The following VGLL4 variants were observed in gnomAD, a reference collection of about 807,000 sequenced individuals.
VGLL4 encodes the protein vestigial like family member 4.
Under a neutral mutation model 21.0 loss-of-function variants are expected in VGLL4, and 7 were observed. The observed-to-expected ratio is 0.33, with a 90% CI of 0.19 to 0.63. The LOEUF is 0.63. Among genes scored for constraint, VGLL4 ranks in the 20% least tolerant of loss-of-function variants. The pLI, the probability that VGLL4 is intolerant of heterozygous loss-of-function variation, is 0.78. For missense variants in VGLL4, 394 were observed against 425.7 expected, an observed-to-expected ratio of 0.93 and a Z score of 0.66; for synonymous variants, 222 against 173.2, an observed-to-expected ratio of 1.28 and a Z score of -2.21.
chr3:11,619,916 G>A (rs551555481), intron 1 of VGLL4, among the ~76,000 whole-genome samples: 1 of 152,032 alleles, frequency 6.6e-6, no homozygotes, highest in African/African-American at 2.4e-5. Context: ...TAATACAATG[G>A]AACAATATTA....
chr3:11,656,184 G>A (rs1485405767), intron 2 of VGLL4, among the ~76,000 whole-genome samples: 1 of 152,206 alleles, frequency 6.6e-6, no homozygotes, highest in African/African-American at 2.4e-5. Context: ...AGAATAATGA[G>A]AACAGGCCTA....
intron 3 of VGLL4, 41 bp downstream of exon 3, chr3:11,564,755 GC>G: frequency 6.5e-7 from 1 of 1,528,494 alleles, no homozygotes. Context: ...CAGTCCCCCA[GC>G]CCCTGGACTC....
chr3:11,604,685 T>G, intron 1 of VGLL4: 7 of 344,362 alleles, frequency 2.0e-5, no homozygotes, highest in Non-Finnish European at 2.8e-5. Flanking sequence ...GGGCACGTGC[T>G]TCCCCTCTCT....
At chr3:11,561,134 C>CG (rs374477829) in intron 3 of VGLL4, among the ~76,000 whole-genome samples, 26 of 151,836 alleles carry the variant, frequency 1.7e-4, no homozygotes, top group African/African-American at 5.8e-4. Flanking sequence ...GACCCCCCCC[C>CG]AGGGTCCTCC....
At chr3:11,685,565 A>T (rs928041137) in intron 2 of VGLL4, among the ~76,000 whole-genome samples, 1 of 152,236 alleles carries the variant, frequency 6.6e-6, no homozygotes, top group Admixed American at 6.5e-5. Flanking sequence ...TATTGTGAAC[A>T]GAGCTGTAAT....
chr3:11,571,978 G>A (rs140450332), intron 2 of VGLL4, among the ~76,000 whole-genome samples: 248 of 152,268 alleles, frequency 1.6e-3, no homozygotes, highest in Non-Finnish European at 2.9e-3. Context: ...GTGGTGTCAC[G>A]TACCTGCAGC....
chr3:11,669,117 C>T (rs1474158782), intron 2 of VGLL4, among the ~76,000 whole-genome samples: 1 of 152,360 alleles, frequency 6.6e-6, no homozygotes. Context: ...TCCTTGTATA[C>T]GTGGCACCTA....
chr3:11,702,969 A>T lies in VGLL4; in HGVS notation c.64+2T>A. ...CTATTTTATAATAGACTCCTCACTT[A>T]CGTTTTTCGTCATCAGCATGCACCA... On this transcript the variant is annotated splice_donor_variant, in intron 2 of 5. Coordinates refer to the VGLL4 transcript ENST00000273038. LOFTEE classifies it high-confidence loss of function. 1 of 1,611,130 alleles carries T rather than the reference A, an allele frequency of 6.2e-7. No homozygotes were observed. Among genetic ancestry groups the T allele is most frequent in the South Asian group, 1.1e-5 (1 of 90,482 alleles).
rs377644350 is a variant in VGLL4, at chr3:11,643,814, A to G, written c.-296T>C. On this transcript the variant is annotated 5_prime_UTR_variant, in exon 1 of 5. Coordinates refer to ENST00000430365, the MANE Select transcript of VGLL4 (RefSeq NM_001128219.3). ...CTTACAAGTCCTTCCTGGAAATGGAAAAGAGTGAAAAAGAGAAACGCGCAG... is the reference window on the plus strand; with the variant it reads ...CTTACAAGTCCTTCCTGGAAATGGAGAAGAGTGAAAAAGAGAAACGCGCAG... 7 of 1,094,008 alleles carry G rather than the reference A, an allele frequency of 6.4e-6. No individual in the cohort carries two copies. The African/African-American group carries it at 8.3e-5, about 13-fold the overall frequency. 67.8% of individuals were successfully genotyped at this position (1,094,008 alleles called of 1,614,324 possible).
chr3:11,594,309 T>G (rs2074580181), intron 2 of VGLL4, among the ~76,000 whole-genome samples: 1 of 152,234 alleles, frequency 6.6e-6, no homozygotes, highest in South Asian at 2.1e-4. Context: ...ACTCAATTTT[T>G]GCTTTTATAA....
At chr3:11,700,687 C>T (rs888832177) in intron 2 of VGLL4, among the ~76,000 whole-genome samples, 6 of 152,184 alleles carry the variant, frequency 3.9e-5, no homozygotes, top group South Asian at 2.1e-4. Context: ...GAAGACACAG[C>T]AATGAGCTCA....
At chr3:11,597,659 T>C (rs1575433449) in intron 2 of VGLL4, among the ~76,000 whole-genome samples, 1 of 114,506 alleles carries the variant, frequency 8.7e-6, no homozygotes, top group South Asian at 3.5e-4. Context: ...CCCAAGTTCC[T>C]ATTTGTTAAA....
intron 2 of VGLL4, among the ~76,000 whole-genome samples, chr3:11,581,910 G>A (rs767604693): frequency 3.4e-4 from 52 of 152,296 alleles, no homozygotes; most frequent in African/African-American, 1.9e-4. Flanking sequence ...GTCTAGAGGC[G>A]GTCACATGAC....
At chr3:11,682,884 A>T (rs1017896893) in intron 2 of VGLL4, among the ~76,000 whole-genome samples, 1 of 152,266 alleles carries the variant, frequency 6.6e-6, no homozygotes, top group Non-Finnish European at 1.5e-5. Context: ...CATCTTCTGC[A>T]TGGAAGTCTT....
At chr3:11,634,861 G>A (rs974916263) in intron 1 of VGLL4, among the ~76,000 whole-genome samples, 10 of 152,020 alleles carry the variant, frequency 6.6e-5, no homozygotes, top group African/African-American at 1.4e-4. Flanking sequence ...TAGTAGAGGC[G>A]GCGTTTCACC....
At chr3:11,681,811 C>T (rs1417134179) in intron 2 of VGLL4, among the ~76,000 whole-genome samples, 2 of 152,182 alleles carry the variant, frequency 1.3e-5, no homozygotes, top group African/African-American at 4.8e-5. Context: ...GAGTAAGATT[C>T]GAGAAGGGCG....
chr3:11,694,749 G>A (rs1160802941), intron 2 of VGLL4, among the ~76,000 whole-genome samples: 1 of 152,182 alleles, frequency 6.6e-6, no homozygotes, highest in South Asian at 2.1e-4. Context: ...CAAGATGAAA[G>A]TGGAGGGGAA....
At chr3:11,580,692 C>T (rs966677336) in intron 2 of VGLL4, among the ~76,000 whole-genome samples, 15 of 152,162 alleles carry the variant, frequency 9.9e-5, no homozygotes, top group Middle Eastern at 3.2e-3. Flanking sequence ...AATTGTAAGC[C>T]TTTGTGAAAA....
At position 11,560,881 on chromosome 3, in the gene VGLL4, G is replaced by A. The variant is rs564405009; in HGVS notation, c.496-1426C>T. Among the ~76,000 whole-genome samples the A allele has an allele frequency of 2.0e-5, 3 of 152,146 alleles. No individual in the cohort carries two copies. In the South Asian group the frequency reaches 6.2e-4, roughly 32 times the overall value. ...ACGTTCTGCCTGTGGACAGGGCCTCGGGTGAGAGACTTCACAATGCTGAGC... is the reference window on the plus strand; with the variant it reads ...ACGTTCTGCCTGTGGACAGGGCCTCAGGTGAGAGACTTCACAATGCTGAGC... On this transcript the variant is annotated intron_variant, in intron 3 of 4. Transcript: ENST00000430365.
Sources: gnomAD v4.1 joint callset for allele counts (sites outside exome capture counted in the v4.1 genomes callset) on GRCh38, gnomAD v4.1.1 for gene constraint, MANE v1.5 for transcripts, NCBI Gene and HGNC (gene_info 2026-07-23, HGNC 2026-07-21) for gene names.